ANKS1B: variants seen among roughly 807,000 people sequenced by gnomAD.
The protein encoded by ANKS1B is ankyrin repeat and sterile alpha motif domain containing 1B.
A neutral mutation model predicts 148.3 loss-of-function variants in ANKS1B; 36 were observed. The ratio of observed to expected loss-of-function variants is 0.24; its 90% CI spans 0.19 to 0.32. The LOEUF is 0.32. ANKS1B is among the 10% of genes least tolerant of loss of function. The pLI, the probability that ANKS1B is intolerant of heterozygous loss-of-function variation, is 1.00. For missense variants in ANKS1B, 1,157 were observed against 1,542.6 expected, an observed-to-expected ratio of 0.75 and a Z score of 4.19; for synonymous variants, 542 against 560.8, an observed-to-expected ratio of 0.97 and a Z score of 0.47.
At chr12:99,509,916 A>G (rs2096747367) in intron 9 of ANKS1B, among the ~76,000 whole-genome samples, 1 of 152,026 alleles carries the variant, frequency 6.6e-6, no homozygotes, top group South Asian at 2.1e-4. Context: ...GTTGAAGCCA[A>G]TGCTCATTTA....
chr12:99,451,760 A>C (rs1467942744), intron 10 of ANKS1B, among the ~76,000 whole-genome samples: 2 of 151,284 alleles, frequency 1.3e-5, no homozygotes, highest in Non-Finnish European at 2.9e-5. Context: ...ATAGTGTTAC[A>C]AAGACAAATG....
intron 8 of ANKS1B, among the ~76,000 whole-genome samples, chr12:99,657,411 A>G (rs543220294): frequency 6.6e-6 from 1 of 152,300 alleles, no homozygotes; most frequent in African/African-American, 2.4e-5. Flanking sequence ...TTTAAATAAA[A>G]GAGGTATATT....
intron 9 of ANKS1B, among the ~76,000 whole-genome samples, chr12:99,558,814 T>C (rs1251498538): frequency 1.3e-5 from 2 of 152,148 alleles, no homozygotes; most frequent in Non-Finnish European, 2.9e-5. Context: ...TGGAGGAGCA[T>C]GGCAAGCCTT....
chr12:99,591,697 G>A (rs1054622577), intron 9 of ANKS1B, among the ~76,000 whole-genome samples: 2 of 152,072 alleles, frequency 1.3e-5, no homozygotes, highest in African/African-American at 4.8e-5. Flanking sequence ...TCAAGGGTAA[G>A]GAATAATTCT....
In ANKS1B at chr12:99,984,514, A is replaced by C; in HGVS notation, c.-277T>G. ...CCCACAGCCACTCCCCTGAATTCCCAAGGCCTCGTTCCCGCGGGTGCGGCG... is the reference window on the plus strand; with the variant it reads ...CCCACAGCCACTCCCCTGAATTCCCCAGGCCTCGTTCCCGCGGGTGCGGCG... On this transcript the variant is annotated 5_prime_UTR_variant, in exon 1 of 27. Transcript: ENST00000683438. The C allele has an allele frequency of 2.8e-6, 1 of 350,882 alleles. No individual in the cohort carries two copies. The highest frequency in any genetic ancestry group is 5.3e-6 in the Non-Finnish European group (1 of 190,240). The allele number at this position is 350,882 out of a possible 1,614,324, so 21.7% of individuals were successfully genotyped here.
intron 10 of ANKS1B, among the ~76,000 whole-genome samples, chr12:99,491,367 G>T (rs1018650168): frequency 7.9e-5 from 12 of 151,848 alleles, no homozygotes; most frequent in Admixed American, 1.3e-4. Flanking sequence ...AGTTCCAAGA[G>T]CTATAATGAT....
chr12:99,184,085 A>G (rs1218985279), intron 14 of ANKS1B, among the ~76,000 whole-genome samples: 1 of 152,224 alleles, frequency 6.6e-6, no homozygotes, highest in Non-Finnish European at 1.5e-5. Context: ...CCTGTTGTTT[A>G]GAATCTTATT....
chr12:99,772,909 C>T lies in ANKS1B; in HGVS notation c.1128+13G>A, dbSNP rs375331937. 3 of 1,605,244 alleles carry T rather than the reference C, an allele frequency of 1.9e-6. No homozygotes were observed. Among genetic ancestry groups the T allele is most frequent in the Non-Finnish European group, 2.6e-6 (3 of 1,175,674 alleles). ...ACAGACACATTATCTTCATTCCCCC[C>T]CGCCTTACTTACTACACTCTGGCTT... is the stretch of plus-strand genomic sequence containing the variant. On this transcript the variant is annotated intron_variant, in intron 8 of 26. Coordinates refer to ENST00000683438, the MANE Select transcript of ANKS1B (RefSeq NM_001352186.2).
intron 14 of ANKS1B, among the ~76,000 whole-genome samples, chr12:99,207,754 A>G (rs888361244): frequency 6.6e-6 from 1 of 152,120 alleles, no homozygotes; most frequent in Non-Finnish European, 1.5e-5. Context: ...AAATAAAACT[A>G]TGAGGTATGA....
intron 1 of ANKS1B, among the ~76,000 whole-genome samples, chr12:99,880,395 T>C (rs961588784): frequency 2.0e-5 from 3 of 152,216 alleles, no homozygotes; most frequent in Non-Finnish European, 4.4e-5. Flanking sequence ...TCCATCGTCT[T>C]TGATCTTAAC....
chr12:99,500,870 G>A (rs1031393993), intron 10 of ANKS1B, among the ~76,000 whole-genome samples: 3 of 151,966 alleles, frequency 2.0e-5, no homozygotes, highest in Non-Finnish European at 2.9e-5. Context: ...TTGATTAGAC[G>A]AGAAAACTTT....
chr12:98,968,387 T>C (rs2099880386), intron 17 of ANKS1B, among the ~76,000 whole-genome samples: 2 of 152,260 alleles, frequency 1.3e-5, no homozygotes, highest in South Asian at 4.1e-4. Flanking sequence ...ATCTGTGTCT[T>C]AACAAGCTCT....
Position 99,272,242 on chromosome 12 carries a change from G to C in ANKS1B, c.1757-25378C>G, listed in dbSNP as rs80005960. The stretch of plus-strand genomic sequence containing the variant: ...TATAAAAGAAGGGAACTGTTGTCGA[G>C]CTTCAGAGCTAACCCAGGGATTACA... On this transcript the variant is annotated intron_variant, in intron 12 of 26. Transcript: ENST00000683438. Among the ~76,000 whole-genome samples the C allele has an allele frequency of 3.5e-3, 535 of 152,216 alleles. 19 individuals are homozygous for C. The East Asian group carries it at 0.067, about 19-fold the overall frequency.
chr12:99,892,880 G>T (rs891727244), intron 1 of ANKS1B, among the ~76,000 whole-genome samples: 7 of 152,176 alleles, frequency 4.6e-5, no homozygotes, highest in Non-Finnish European at 8.8e-5. Context: ...TTCTTCCTCA[G>T]TTCAGCTCCC....
At chr12:98,774,276 CTG>C (rs1395645250) in intron 24 of ANKS1B, among the ~76,000 whole-genome samples, 1 of 152,218 alleles carries the variant, frequency 6.6e-6, no homozygotes, top group African/African-American at 2.4e-5. Flanking sequence ...GGTTGTCTGA[CTG>C]TGGAGCTCAG....
chr12:99,479,004 CTAA>C (rs1248057048), intron 10 of ANKS1B, among the ~76,000 whole-genome samples: 1 of 151,900 alleles, frequency 6.6e-6, no homozygotes, highest in African/African-American at 2.4e-5. Flanking sequence ...ACAAAAATTA[CTAA>C]TAAAATATTT....
At chr12:99,718,676 T>C (rs2057725741) in intron 8 of ANKS1B, among the ~76,000 whole-genome samples, 1 of 152,210 alleles carries the variant, frequency 6.6e-6, no homozygotes, top group African/African-American at 2.4e-5. Context: ...ATCCACCCCA[T>C]GGTGCCAAAC....
At chr12:99,645,383 C>T (rs1217704567) in intron 9 of ANKS1B, among the ~76,000 whole-genome samples, 1 of 152,078 alleles carries the variant, frequency 6.6e-6, no homozygotes, top group Non-Finnish European at 1.5e-5. Context: ...TGTTATGGTT[C>T]AGAGTATCTC....
chr12:99,523,960 T>C (rs1338845165), intron 9 of ANKS1B, among the ~76,000 whole-genome samples: 1 of 152,210 alleles, frequency 6.6e-6, no homozygotes, highest in Non-Finnish European at 1.5e-5. Flanking sequence ...AGTACTATGG[T>C]ACAAGTTACC....
Sources: allele counts gnomAD v4.1 joint callset (sites outside exome capture counted in the v4.1 genomes callset), GRCh38; gene constraint gnomAD v4.1.1; transcripts MANE v1.5; gene names NCBI Gene and HGNC (gene_info 2026-07-23, HGNC 2026-07-21).